FNDC8: variants seen among roughly 807,000 people sequenced by gnomAD.
FNDC8 encodes fibronectin type III domain containing 8.
In FNDC8, 23 loss-of-function variants were observed where a neutral mutation model predicts 24.8. The ratio of observed to expected loss-of-function variants is 0.93; its 90% CI spans 0.67 to 1.31. The LOEUF is 1.31. Among genes scored for constraint, FNDC8 ranks in the 40% most tolerant of loss-of-function variants. The probability of loss-of-function intolerance (pLI) is 0.00; values close to 1 mark genes in which losing one functional copy is unlikely to be tolerated. For synonymous variants in FNDC8, 158 were observed against 165.3 expected, an observed-to-expected ratio of 0.96 and a Z score of 0.34; for missense variants, 371 against 398.2, an observed-to-expected ratio of 0.93 and a Z score of 0.58.
At chr17:35,122,209 A>ATATATATATATATATATATAT (rs2091832190) in intron 1 of FNDC8, among the ~76,000 whole-genome samples, 1 of 15,356 alleles carries the variant, frequency 6.5e-5, no homozygotes, top group Non-Finnish European at 1.2e-4. Flanking sequence ...TATATATATA[A>ATATATATATATATATATATAT]ATTTTTTTTT....
chr17:35,125,502 AT>A (rs1376193952), intron 1 of FNDC8, among the ~76,000 whole-genome samples: 1 of 152,230 alleles, frequency 6.6e-6, no homozygotes, highest in African/African-American at 2.4e-5. Flanking sequence ...ATGTATCAAG[AT>A]AGATGAATGT....
chr17:35,123,627 A>G (rs1207311136), intron 1 of FNDC8, among the ~76,000 whole-genome samples: 1 of 152,118 alleles, frequency 6.6e-6, no homozygotes, highest in Non-Finnish European at 1.5e-5. Context: ...TGTCCCAGCT[A>G]CTCAAGAGGC....
intron 1 of FNDC8, among the ~76,000 whole-genome samples, chr17:35,123,849 G>A (rs2091839607): frequency 6.6e-6 from 1 of 152,200 alleles, no homozygotes; most frequent in Non-Finnish European, 1.5e-5. Flanking sequence ...AACATCAGGA[G>A]GAGGAGATGT....
chr17:35,129,430 G>T lies in FNDC8; in HGVS notation c.594G>T (p.Trp198Cys), dbSNP rs776749479. ...GCTCTCTCTTCCCCTAGATTTCCTGGACCTACGCCTTGGGCAAGCAGCCGG... is the reference window on the plus strand; with the variant it reads ...GCTCTCTCTTCCCCTAGATTTCCTGTACCTACGCCTTGGGCAAGCAGCCGG... ...TVNNSTAVIS[W>C]TYALGKQPVS... Residue 198 changes from tryptophan (W) to cysteine (C), a missense_variant, in exon 3 of 4, where the codon TGG becomes TGT. By Grantham distance (215) the Trp-to-Cys change is radical. Transcript: ENST00000158009. 2 of 1,613,652 alleles carry T rather than the reference G, an allele frequency of 1.2e-6. No individual in the cohort carries two copies. The highest frequency in any genetic ancestry group is 4.5e-5 in the East Asian group (2 of 44,870).
intron 3 of FNDC8, 71 bp downstream of exon 3, chr17:35,129,729 G>A (rs910566352): frequency 6.4e-7 from 1 of 1,556,740 alleles, no homozygotes; most frequent in Admixed American, 1.9e-5. Context: ...GGCTTTGGAG[G>A]TTGGGAACAC....
chr17:35,124,971 C>T (rs2091843314), intron 1 of FNDC8, among the ~76,000 whole-genome samples: 1 of 149,810 alleles, frequency 6.7e-6, no homozygotes, highest in Admixed American at 6.7e-5. Context: ...TCGCTTAAGC[C>T]AGGGAGGCGG....
Position 35,129,631 on chromosome 17 carries a change from G to C in FNDC8, c.795G>C (p.Gly265=). ...CLSVRAANTA[G]VGKWCKPYKF... ...GTGTCCGTGCAGCCAACACAGCTGGGGTGGGGAAGTGGTGCAAGCCCTACA... is the reference window on the plus strand; with the variant it reads ...GTGTCCGTGCAGCCAACACAGCTGGCGTGGGGAAGTGGTGCAAGCCCTACA... The change falls in exon 3 of 4, where the codon GGG becomes GGC. Residue 265 remains glycine (G), a synonymous_variant. Coordinates refer to ENST00000158009, the MANE Select transcript of FNDC8 (RefSeq NM_017559.4). 6.2e-7 allele frequency: 1 copy of C among 1,614,122 alleles called. No individual in the cohort carries two copies. The highest frequency in any genetic ancestry group is 1.7e-5 in the Admixed American group (1 of 60,020).
intron 1 of FNDC8, among the ~76,000 whole-genome samples, chr17:35,125,648 T>C (rs915648271): frequency 2.6e-5 from 4 of 152,174 alleles, no homozygotes; most frequent in African/African-American, 9.7e-5. Context: ...AAGAAACCTA[T>C]AAAGACACAC....
intron 1 of FNDC8, 124 bp downstream of exon 1, chr17:35,122,026 C>G: frequency 1.3e-6 from 1 of 756,394 alleles, no homozygotes; most frequent in Non-Finnish European, 2.1e-6. Flanking sequence ...GCTTTGTCAC[C>G]CAGGCTGGAG....
intron 3 of FNDC8, chr17:35,129,994 A>T: frequency 7.3e-7 from 1 of 1,378,332 alleles, no homozygotes; most frequent in Non-Finnish European, 9.4e-7. Flanking sequence ...TAGGGAAGAC[A>T]AGAGGCTAAA....
chr17:35,121,989 T>TCC, intron 1 of FNDC8, 87 bp downstream of exon 1: 4 of 111,672 alleles, frequency 3.6e-5, no homozygotes, highest in Non-Finnish European at 4.3e-5. Context: ...CTTCCTTCCT[T>TCC]TTTTTTTTTT....
intron 2 of FNDC8, chr17:35,129,110 T>C: frequency 3.5e-6 from 1 of 287,714 alleles, no homozygotes; most frequent in East Asian, 6.4e-5. Flanking sequence ...CCTCCTGCTG[T>C]GCTATCCAGT....
intron 1 of FNDC8, among the ~76,000 whole-genome samples, chr17:35,124,549 A>T (rs2091841773): frequency 6.6e-6 from 1 of 152,034 alleles, no homozygotes; most frequent in Admixed American, 6.6e-5. Context: ...ATAAATAAAT[A>T]AAATAAACTA....
chr17:35,125,065 A>G (rs1191823082), intron 1 of FNDC8, among the ~76,000 whole-genome samples: 1 of 151,786 alleles, frequency 6.6e-6, no homozygotes, highest in Non-Finnish European at 1.5e-5. Flanking sequence ...AAAAAAAAGA[A>G]AAAAGAGTAA....
chr17:35,123,790 C>G (rs1289270184), intron 1 of FNDC8, among the ~76,000 whole-genome samples: 1 of 152,060 alleles, frequency 6.6e-6, no homozygotes, highest in African/African-American at 2.4e-5. Flanking sequence ...GGACCCTCAG[C>G]CCCTTGTTTG....
rs1018510152 is a variant in FNDC8, at chr17:35,130,435, G to A, written c.*1G>A. On this transcript the variant is annotated 3_prime_UTR_variant, in exon 4 of 4. Transcript: ENST00000158009. ...TCTGGAATACCTATTTCCCTGTTAA[G>A]GGGGAGGGCCCCAGGACACCCCTCA... The A allele has an allele frequency of 1.7e-5, 28 of 1,613,242 alleles. No individual in the cohort carries two copies. Among genetic ancestry groups the A allele is most frequent in the Middle Eastern group, 1.7e-4 (1 of 6,058 alleles).
intron 1 of FNDC8, among the ~76,000 whole-genome samples, chr17:35,122,514 T>A (rs1265628860): frequency 1.3e-5 from 2 of 151,912 alleles, no homozygotes; most frequent in Non-Finnish European, 2.9e-5. Context: ...GAGCTCCCAC[T>A]CCAGGAGGCC....
chr17:35,123,373 A>C (rs1163945219), intron 1 of FNDC8, among the ~76,000 whole-genome samples: 1 of 152,132 alleles, frequency 6.6e-6, no homozygotes, highest in Non-Finnish European at 1.5e-5. Context: ...GTATACTGGG[A>C]ATCTTGGACT....
At position 35,121,735 on chromosome 17, in the gene FNDC8, G is replaced by A; in HGVS notation, c.42G>A (p.Glu14=). Reference sequence around the variant, plus strand: ...TCCATCAAGTGGGAGATGGGGAGGAGGCTGTACTGAAGAAAGAAAACTTCA... The same window carrying A: ...TCCATCAAGTGGGAGATGGGGAGGAAGCTGTACTGAAGAAAGAAAACTTCA... The part of the protein sequence containing the change: ...EALHQVGDGE[E]AVLKKENFNM... The change falls in exon 1 of 4, where the codon GAG becomes GAA. Residue 14 remains glutamate (E), a synonymous_variant. Coordinates refer to ENST00000158009, the MANE Select transcript of FNDC8 (RefSeq NM_017559.4). The A allele has an allele frequency of 6.2e-7, 1 of 1,613,988 alleles. No homozygotes were observed. Among genetic ancestry groups the A allele is most frequent in the Non-Finnish European group, 8.5e-7 (1 of 1,180,004 alleles).
Sources: gnomAD v4.1 joint callset for allele counts (sites outside exome capture counted in the v4.1 genomes callset) on GRCh38, gnomAD v4.1.1 for gene constraint, MANE v1.5 for transcripts, NCBI Gene and HGNC (gene_info 2026-07-23, HGNC 2026-07-21) for gene names.